LUZP2: variants seen among roughly 807,000 people sequenced by gnomAD.
LUZP2 encodes the protein leucine zipper protein 2.
A neutral mutation model predicts 51.6 loss-of-function variants in LUZP2; 52 were observed. The ratio of observed to expected loss-of-function variants is 1.01; its 90% confidence interval spans 0.81 to 1.27. LUZP2 has a LOEUF of 1.27. Ranked by LOEUF, LUZP2 falls within the 50% of genes most tolerant of loss-of-function variation. The probability of loss-of-function intolerance (pLI) is 0.00; values close to 1 mark genes in which losing one functional copy is unlikely to be tolerated. For synonymous variants in LUZP2, 154 were observed against 137.3 expected (o/e 1.12, Z -0.85); for missense variants, 436 against 395.4 (o/e 1.10, Z -0.87).
intron 7 of LUZP2, among the ~76,000 whole-genome samples, chr11:24,928,998 T>G (rs2133830696): frequency 6.6e-6 from 1 of 152,126 alleles, no homozygotes; most frequent in Non-Finnish European, 1.5e-5. Flanking sequence ...TTCCTCTAGG[T>G]TTTCTAGTTT....
At chr11:24,763,863 A>C (rs965738033) in intron 5 of LUZP2, among the ~76,000 whole-genome samples, 5 of 152,054 alleles carry the variant, frequency 3.3e-5, no homozygotes, top group African/African-American at 1.2e-4. Context: ...TCCATTACCT[A>C]TTTCTACCTT....
At chr11:24,500,992 A>G (rs185752084) in intron 1 of LUZP2, among the ~76,000 whole-genome samples, 97 of 152,304 alleles carry the variant, frequency 6.4e-4, no homozygotes, top group African/African-American at 2.2e-3. Flanking sequence ...GAGAACACAC[A>G]AAAAATATTT....
chr11:24,574,253 T>C (rs1399384973), intron 1 of LUZP2, among the ~76,000 whole-genome samples: 2 of 4,034 alleles, frequency 5.0e-4, no homozygotes, highest in Admixed American at 4.2e-3. Context: ...TCTTTCTTTC[T>C]TTCTTTCTTG....
intron 1 of LUZP2, among the ~76,000 whole-genome samples, chr11:24,574,472 A>G (rs1159336562): frequency 1.3e-5 from 2 of 151,504 alleles, no homozygotes; most frequent in Non-Finnish European, 2.9e-5. Flanking sequence ...TGACTTAGAA[A>G]CTAAACAAAC....
At chr11:24,819,806 GTT>G (rs1850302206) in intron 5 of LUZP2, among the ~76,000 whole-genome samples, 1 of 151,994 alleles carries the variant, frequency 6.6e-6, no homozygotes, top group Non-Finnish European at 1.5e-5. Context: ...GTAGAGTTAA[GTT>G]TTACAGTTGT....
intron 7 of LUZP2, among the ~76,000 whole-genome samples, chr11:24,927,100 T>G (rs1432097504): frequency 6.6e-6 from 1 of 151,828 alleles, no homozygotes; most frequent in Non-Finnish European, 1.5e-5. Context: ...GGGATCTTTT[T>G]TTTTTTCTTT....
intron 1 of LUZP2, among the ~76,000 whole-genome samples, chr11:24,543,666 C>G (rs1851448739): frequency 1.3e-5 from 2 of 151,668 alleles, no homozygotes; most frequent in Admixed American, 1.3e-4. Context: ...ACTAAAAATA[C>G]AGAAATTAGC....
intron 1 of LUZP2, among the ~76,000 whole-genome samples, chr11:24,674,101 G>A (rs1856476063): frequency 6.6e-6 from 1 of 152,108 alleles, no homozygotes; most frequent in East Asian, 1.9e-4. Flanking sequence ...AACTTACTAT[G>A]TATTGGTTAC....
intron 7 of LUZP2, among the ~76,000 whole-genome samples, chr11:24,968,787 G>T (rs902246745): frequency 1.3e-5 from 2 of 152,198 alleles, no homozygotes; most frequent in African/African-American, 4.8e-5. Flanking sequence ...TGCAACTACA[G>T]TGATCATCTT....
rs61308017 is a variant in LUZP2 at position 24,788,180 on chromosome 11, ATTTTTTTTT to A, written c.396+24889_396+24897del. Reference sequence around the variant, plus strand: ...AGATGCCTATTTCTTTTTGTTTTTAATTTTTTTTTTTTTTTTTTTTTTTTTCTGAGACTG... The same window carrying A: ...AGATGCCTATTTCTTTTTGTTTTTAATTTTTTTTTTTTTTTTCTGAGACTG... On this transcript the variant is annotated intron_variant, in intron 5 of 11. Coordinates refer to ENST00000336930, the MANE Select transcript of LUZP2 (RefSeq NM_001009909.4). Among the ~76,000 whole-genome samples, 156 of 83,414 alleles carry A rather than the reference ATTTTTTTTT, an allele frequency of 1.9e-3. 2 individuals are homozygous for A. In the East Asian group the frequency reaches 0.041, roughly 22 times the overall value. The allele number at this position is 83,414 out of a possible 152,430, so 54.7% of individuals were successfully genotyped here.
At chr11:24,570,904 A>G (rs10834388) in intron 1 of LUZP2, among the ~76,000 whole-genome samples, 63,377 of 151,900 alleles carry the variant, frequency 0.42, 13,746 homozygotes, top group African/African-American at 0.51. Flanking sequence ...ATCTGAAATC[A>G]TACAGCTAGC....
chr11:24,720,158 A>T (rs1030681939), intron 1 of LUZP2, among the ~76,000 whole-genome samples: 3 of 152,178 alleles, frequency 2.0e-5, no homozygotes, highest in African/African-American at 7.2e-5. Context: ...CCCACAAAGG[A>T]TTTGCAGGCC....
chr11:24,923,369 C>A (rs1000915983), intron 7 of LUZP2, among the ~76,000 whole-genome samples: 3 of 152,062 alleles, frequency 2.0e-5, no homozygotes, highest in Admixed American at 1.3e-4. Context: ...TCTCTCCAAA[C>A]TGCCTCCCAT....
At chr11:24,917,721 T>C (rs1853840912) in intron 7 of LUZP2, among the ~76,000 whole-genome samples, 1 of 152,200 alleles carries the variant, frequency 6.6e-6, no homozygotes, top group African/African-American at 2.4e-5. Flanking sequence ...AGTACCATGC[T>C]GTTTTGGTTA....
At chr11:24,840,070 T>C (rs1850980685) in intron 5 of LUZP2, among the ~76,000 whole-genome samples, 1 of 151,702 alleles carries the variant, frequency 6.6e-6, no homozygotes, top group Non-Finnish European at 1.5e-5. Flanking sequence ...AAATTTCATT[T>C]AACAGCACTT....
chr11:24,998,776 A>G (rs917421871), intron 9 of LUZP2, among the ~76,000 whole-genome samples: 2 of 152,136 alleles, frequency 1.3e-5, no homozygotes, highest in African/African-American at 4.8e-5. Flanking sequence ...AATTGCTTCC[A>G]GGCATAAAAT....
At chr11:24,761,348 C>T (rs568359057) in intron 4 of LUZP2, among the ~76,000 whole-genome samples, 1 of 152,212 alleles carries the variant, frequency 6.6e-6, no homozygotes, top group African/African-American at 2.4e-5. Flanking sequence ...ATTATAAAAA[C>T]AGCAGTAGGA....
At chr11:24,608,368 A>G (rs185900560) in intron 1 of LUZP2, among the ~76,000 whole-genome samples, 1 of 152,180 alleles carries the variant, frequency 6.6e-6, no homozygotes, top group Non-Finnish European at 1.5e-5. Flanking sequence ...TGGTTTTAAT[A>G]AAACTTTTGA....
chr11:24,976,452 T>C (rs554126836), intron 7 of LUZP2, 139 bp from the exon 8 acceptor site: 4 of 494,630 alleles, frequency 8.1e-6, no homozygotes, highest in Non-Finnish European at 1.4e-5. Context: ...AACTGAATTC[T>C]AAATGAATCT....
Sources: gnomAD v4.1 joint callset for allele counts (sites outside exome capture counted in the v4.1 genomes callset) on GRCh38, gnomAD v4.1.1 for gene constraint, MANE v1.5 for transcripts, NCBI Gene and HGNC (gene_info 2026-07-23, HGNC 2026-07-21) for gene names.